PALS2: variants seen among roughly 807,000 people sequenced by gnomAD.
PALS2 encodes the protein protein associated with LIN7 2, MAGUK p55 family member.
In PALS2, 27 loss-of-function variants were observed where a neutral mutation model predicts 61.6. The ratio of observed to expected loss-of-function variants is 0.44; its 90% confidence interval spans 0.32 to 0.60. PALS2 has a LOEUF of 0.60. Among genes scored for constraint, PALS2 ranks in the 20% least tolerant of loss-of-function variants. The pLI, the probability that PALS2 is intolerant of heterozygous loss-of-function variation, is 0.05. For missense variants in PALS2, 554 were observed against 639.4 expected (o/e 0.87, Z 1.44); for synonymous variants, 236 against 218.6 (o/e 1.08, Z -0.70).
At chr7:24,653,054 T>C (rs1356571928) in intron 5 of PALS2, among the ~76,000 whole-genome samples, 2 of 152,206 alleles carry the variant, frequency 1.3e-5, no homozygotes, top group African/African-American at 4.8e-5. Context: ...AATTCTCTCT[T>C]ATTCTTTGGA....
intron 1 of PALS2, among the ~76,000 whole-genome samples, chr7:24,613,339 A>G (rs1298350884): frequency 6.6e-6 from 1 of 151,724 alleles, no homozygotes; most frequent in Non-Finnish European, 1.5e-5. Context: ...AAAATCACCT[A>G]CTTGACTAGA....
chr7:24,621,702 T>C (rs757767593), intron 1 of PALS2, among the ~76,000 whole-genome samples: 18 of 152,024 alleles, frequency 1.2e-4, no homozygotes, highest in Non-Finnish European at 2.1e-4. Flanking sequence ...AACAGAAAAC[T>C]GTATTTTATA....
intron 11 of PALS2, among the ~76,000 whole-genome samples, chr7:24,682,451 C>T (rs1339723973): frequency 6.6e-6 from 1 of 152,170 alleles, no homozygotes; most frequent in African/African-American, 2.4e-5. Flanking sequence ...TCTCCCTGGA[C>T]TCAGCTCTGT....
At chr7:24,656,861 C>A (rs1206032991) in intron 5 of PALS2, among the ~76,000 whole-genome samples, 2 of 152,156 alleles carry the variant, frequency 1.3e-5, no homozygotes, top group African/African-American at 4.8e-5. Context: ...ACTTCTCATT[C>A]TTCCCTCCTA....
chr7:24,664,160 T>G (rs1203491296), intron 6 of PALS2, among the ~76,000 whole-genome samples: 1 of 152,160 alleles, frequency 6.6e-6, no homozygotes, highest in Non-Finnish European at 1.5e-5. Flanking sequence ...TTTCTTAAGG[T>G]CTTAATGTCT....
At chr7:24,654,100 A>G (rs1786294116) in intron 5 of PALS2, among the ~76,000 whole-genome samples, 1 of 152,140 alleles carries the variant, frequency 6.6e-6, no homozygotes, top group South Asian at 2.1e-4. Flanking sequence ...AAGTCTATAA[A>G]TTCCAAGACC....
At chr7:24,611,322 T>C (rs1023083711) in intron 1 of PALS2, among the ~76,000 whole-genome samples, 2 of 152,110 alleles carry the variant, frequency 1.3e-5, no homozygotes, top group Admixed American at 6.6e-5. Flanking sequence ...TGCCTTGTTA[T>C]GCAATTCACG....
At chr7:24,576,490 CTTTT>C (rs927202851) in intron 1 of PALS2, among the ~76,000 whole-genome samples, 30 of 152,202 alleles carry the variant, frequency 2.0e-4, no homozygotes, top group African/African-American at 7.0e-4. Flanking sequence ...TGTTTAATGA[CTTTT>C]CTTTCTTTAA....
intron 1 of PALS2, among the ~76,000 whole-genome samples, chr7:24,611,324 C>T (rs1784103716): frequency 6.6e-6 from 1 of 151,978 alleles, no homozygotes; most frequent in South Asian, 2.1e-4. Context: ...CCTTGTTATG[C>T]AATTCACGGG....
chr7:24,633,673 G>C (rs549091168), intron 2 of PALS2, among the ~76,000 whole-genome samples: 1 of 151,946 alleles, frequency 6.6e-6, no homozygotes, highest in East Asian at 1.9e-4. Flanking sequence ...TTGGATTGGG[G>C]ATACTCAACC....
chr7:24,690,955 G>A lies in PALS2; in HGVS notation c.*3341G>A, dbSNP rs531504892. 1.3e-5 allele frequency: 2 copies of A among 152,202 alleles called. No individual in the cohort carries two copies. The highest frequency in any genetic ancestry group is 1.3e-4 in the Admixed American group (2 of 15,286). 9.4% of individuals were successfully genotyped at this position (152,202 alleles called of 1,614,324 possible). A position where few individuals can be genotyped will look rare whatever the true frequency, so the allele number is the denominator to read the frequency against. ...AAGGCAAATTTAGATAATAACCCAA[G>A]TTAGCAATAAAACCATGTGACATTA... On this transcript the variant is annotated 3_prime_UTR_variant, in exon 12 of 12. Transcript: ENST00000222644.
At chr7:24,577,973 C>T (rs1023384728) in intron 1 of PALS2, among the ~76,000 whole-genome samples, 3 of 152,158 alleles carry the variant, frequency 2.0e-5, no homozygotes, top group East Asian at 1.9e-4. Context: ...GAATCTCACT[C>T]GGTCACCCCA....
Position 24,573,610 on chromosome 7 carries a change from C to G in PALS2, c.-3+17C>G. The G allele has an allele frequency of 5.7e-6, 2 of 352,488 alleles. No homozygotes were observed. The highest frequency in any genetic ancestry group is 4.8e-5 in the Admixed American group (1 of 21,024). 21.8% of individuals were successfully genotyped at this position (352,488 alleles called of 1,614,324 possible). Reference sequence around the variant, plus strand: ...TGCGAGCCGGTGAGTTAACTGGACCCCCACGCCGCTCGGGTAACGGTCGCG... The same window carrying G: ...TGCGAGCCGGTGAGTTAACTGGACCGCCACGCCGCTCGGGTAACGGTCGCG... On this transcript the variant is annotated intron_variant, in intron 1 of 11. Coordinates refer to ENST00000222644, the MANE Select transcript of PALS2 (RefSeq NM_001303037.2). This position sits in a 1 kb window ranked among gnomAD's most constrained non-coding sequence, Gnocchi z 5.3.
intron 1 of PALS2, among the ~76,000 whole-genome samples, chr7:24,613,340 C>G (rs180896560): frequency 1.3e-5 from 2 of 151,756 alleles, no homozygotes; most frequent in Admixed American, 1.3e-4. Flanking sequence ...AAATCACCTA[C>G]TTGACTAGAT....
chr7:24,575,151 A>C (rs1782597541), intron 1 of PALS2, among the ~76,000 whole-genome samples: 1 of 152,178 alleles, frequency 6.6e-6, no homozygotes, highest in Non-Finnish European at 1.5e-5. Flanking sequence ...AAATGGTAAC[A>C]CTTTTAATTG....
rs532854969 is a variant in PALS2 at position 24,689,477 on chromosome 7, T to C, written c.*1863T>C. ...GAGGACTTTGAAGGAAAAGAAAATA[T>C]ATGACAATAGGCAGTATTGACACAT... is the stretch of plus-strand genomic sequence containing the variant. On this transcript the variant is annotated 3_prime_UTR_variant, in exon 12 of 12. Transcript: ENST00000222644. The C allele has an allele frequency of 3.9e-5, 6 of 152,264 alleles. No homozygotes were observed. The highest frequency in any genetic ancestry group is 1.4e-4 in the African/African-American group (6 of 41,548). The allele number at this position is 152,264 out of a possible 1,614,324, so 9.4% of individuals were successfully genotyped here. A position where few individuals can be genotyped will look rare whatever the true frequency, so the allele number is the denominator to read the frequency against.
At chr7:24,644,999 G>C (rs913457377) in intron 3 of PALS2, among the ~76,000 whole-genome samples, 66 of 101,666 alleles carry the variant, frequency 6.5e-4, no homozygotes, top group African/African-American at 5.3e-3. Context: ...CAAAGAACTT[G>C]TATTTGTTTA....
At chr7:24,621,560 A>G (rs920081723) in intron 1 of PALS2, among the ~76,000 whole-genome samples, 3 of 152,090 alleles carry the variant, frequency 2.0e-5, no homozygotes, top group African/African-American at 7.2e-5. Context: ...TGGGTCAGTC[A>G]CAAAGTAGCA....
At chr7:24,642,895 G>C (rs1323913248) in intron 3 of PALS2, among the ~76,000 whole-genome samples, 1 of 152,120 alleles carries the variant, frequency 6.6e-6, no homozygotes, top group Non-Finnish European at 1.5e-5. Context: ...TAGGTGTGGA[G>C]GGGGAGATGA....
Sources: gnomAD v4.1 joint callset for allele counts (sites outside exome capture counted in the v4.1 genomes callset) on GRCh38, gnomAD v4.1.1 for gene constraint, Gnocchi (gnomAD v3.1) non-coding constraint, MANE v1.5 for transcripts, NCBI Gene and HGNC (gene_info 2026-07-23, HGNC 2026-07-21) for gene names.